Variants in PACS2 observed in about 807,000 individuals in gnomAD.
The protein encoded by PACS2 is phosphofurin acidic cluster sorting protein 2.
PACS2 carries 36 observed loss-of-function variants against 113.0 expected under a neutral mutation model. The observed-to-expected ratio is 0.32, with a 90% CI of 0.24 to 0.42. The LOEUF (loss-of-function observed/expected upper bound fraction) is 0.42, where lower values mean the gene tolerates loss of function less well. Ranked by LOEUF, PACS2 falls within the 10% of genes least tolerant of loss-of-function variation. PACS2 has a pLI of 1.00. For synonymous variants in PACS2, 589 were observed against 536.1 expected (o/e 1.10, Z -1.36); for missense variants, 1,015 against 1,239.5 (o/e 0.82, Z 2.72).
intron 19 of PACS2, among the ~76,000 whole-genome samples, chr14:105,386,129 C>T (rs138263340): frequency 7.1e-4 from 108 of 152,326 alleles, no homozygotes; most frequent in African/African-American, 2.5e-3. Context: ...AAACCAGGAG[C>T]GAGTGGCTGG....
chr14:105,339,168 G>A (rs1555401118), intron 1 of PACS2, among the ~76,000 whole-genome samples: 1 of 152,186 alleles, frequency 6.6e-6, no homozygotes, highest in Non-Finnish European at 1.5e-5. Context: ...TGGAAAGTGG[G>A]GGACGCTATT....
At chr14:105,381,143 C>G in intron 12 of PACS2, 44 bp downstream of exon 12, 1 of 1,520,488 alleles carries the variant, frequency 6.6e-7, no homozygotes, top group Non-Finnish European at 8.9e-7. Context: ...ATGCACCTGT[C>G]GGGGGAGGGG....
chr14:105,362,318 T>C (rs1461415511), intron 4 of PACS2, among the ~76,000 whole-genome samples: 6 of 148,250 alleles, frequency 4.0e-5, no homozygotes, highest in Admixed American at 2.0e-4. Context: ...CTCGGGAGGC[T>C]GAGGCAGGAG....
upstream of PACS2, among the ~76,000 whole-genome samples, chr14:105,310,201 T>A (rs2058311171): frequency 6.6e-6 from 1 of 152,104 alleles, no homozygotes; most frequent in East Asian, 1.9e-4. Context: ...TTTAGTGGTC[T>A]TATGGACTTG....
In PACS2 at chr14:105,330,079, AGGAACG is replaced by A. The variant is rs1304204887; in HGVS notation, c.119+15045_119+15050del. ...AGAAGCCTGGGGTCCATGTGTGGGAAGGAACGGGGACAGGGAGCCTCCGAGAAGCCT... is the reference window on the plus strand; with the variant it reads ...AGAAGCCTGGGGTCCATGTGTGGGAAGGGACAGGGAGCCTCCGAGAAGCCT... On this transcript the variant is annotated intron_variant, in intron 1 of 24. Transcript: ENST00000447393. This position sits in a 1 kb window ranked among gnomAD's most constrained non-coding sequence, Gnocchi z 6.9. 7.1e-6 allele frequency among the ~76,000 whole-genome samples: 1 copy of A among 140,578 alleles called. No individual in the cohort carries two copies. The highest frequency in any genetic ancestry group is 1.6e-5 in the Non-Finnish European group (1 of 64,276). 92.2% of individuals were successfully genotyped at this position (140,578 alleles called of 152,430 possible). A position where few individuals can be genotyped will look rare whatever the true frequency, so the allele number is the denominator to read the frequency against.
intron 1 of PACS2, among the ~76,000 whole-genome samples, chr14:105,342,591 G>T (rs1266918678): frequency 6.6e-6 from 1 of 152,024 alleles, no homozygotes; most frequent in African/African-American, 2.4e-5. Context: ...TTTGCAGTTG[G>T]TTGGTGTGTG....
intron 1 of PACS2, among the ~76,000 whole-genome samples, chr14:105,319,916 A>C (rs1181040041): frequency 6.6e-6 from 1 of 152,166 alleles, no homozygotes; most frequent in Non-Finnish European, 1.5e-5. Flanking sequence ...ACTTTCATTA[A>C]GAGGATTATA....
intron 2 of PACS2, among the ~76,000 whole-genome samples, chr14:105,350,762 G>T (rs940429431): frequency 6.6e-6 from 1 of 152,228 alleles, no homozygotes; most frequent in African/African-American, 2.4e-5. Context: ...GTCCTCTGAG[G>T]GGGGAATGCT....
upstream of PACS2, among the ~76,000 whole-genome samples, chr14:105,311,632 C>T (rs1375833110): frequency 6.6e-6 from 1 of 152,124 alleles, no homozygotes; most frequent in East Asian, 1.9e-4. Flanking sequence ...CTCACCTAAC[C>T]CTGTTCTACT....
rs936159942 is a variant in PACS2, at chr14:105,366,593, A to G, written c.424-620A>G. 6.6e-6 allele frequency among the ~76,000 whole-genome samples: 1 copy of G among 151,158 alleles called. No individual in the cohort carries two copies. The highest frequency in any genetic ancestry group is 1.5e-5 in the Non-Finnish European group (1 of 68,016). Reference sequence around the variant, plus strand: ...CTCCGTGGTTTGAGTGCCTCACAACAGAGGAGCTGGACCTGGCCTGTGAGC... The same window carrying G: ...CTCCGTGGTTTGAGTGCCTCACAACGGAGGAGCTGGACCTGGCCTGTGAGC... On this transcript the variant is annotated intron_variant, in intron 4 of 24. Coordinates refer to ENST00000447393, the MANE Select transcript of PACS2 (RefSeq NM_001100913.3). This position sits in a 1 kb window ranked among gnomAD's most constrained non-coding sequence, Gnocchi z 4.3.
chr14:105,332,936 C>G (rs987700011), intron 1 of PACS2, among the ~76,000 whole-genome samples: 2 of 152,212 alleles, frequency 1.3e-5, no homozygotes, highest in African/African-American at 2.4e-5. Flanking sequence ...ATCGTCCCCC[C>G]ACTTTTTTGT....
At chr14:105,322,537 A>G (rs1004680952) in intron 1 of PACS2, among the ~76,000 whole-genome samples, 8 of 152,210 alleles carry the variant, frequency 5.3e-5, no homozygotes, top group African/African-American at 1.9e-4. Flanking sequence ...AAGTGCTGGG[A>G]TTACAGGCAT....
rs1293172463 is a variant in PACS2 at position 105,366,723 on chromosome 14, G to A, written c.424-490G>A. ...CACTGGTCCCTGGGCATTGGCTCCT[G>A]TGGGTTGGGCAGCCGGCTTCACACA... On this transcript the variant is annotated intron_variant, in intron 4 of 24. Coordinates refer to ENST00000447393, the MANE Select transcript of PACS2 (RefSeq NM_001100913.3). The surrounding 1 kb of genome is among the most constrained non-coding windows in gnomAD (Gnocchi z 4.3). 6.6e-6 allele frequency among the ~76,000 whole-genome samples: 1 copy of A among 152,228 alleles called. No individual in the cohort carries two copies. The highest frequency in any genetic ancestry group is 1.5e-5 in the Non-Finnish European group (1 of 68,034).
chr14:105,308,055 G>A lies in PACS2; in HGVS notation c.-83+7076G>A, dbSNP rs147106300. Among the ~76,000 whole-genome samples the A allele has an allele frequency of 1.7e-3, 260 of 152,044 alleles. 1 individual carries two copies. Among genetic ancestry groups the A allele is most frequent in the African/African-American group, 6.0e-3 (247 of 41,464 alleles). On this transcript the variant is annotated intron_variant, in intron 1 of 23. Coordinates refer to the PACS2 transcript ENST00000430725. ...AAAAATTAGCTGTGCGTGGTGGTGC[G>A]TGCCTCTAGTTCAGCTACTTGGGAG...
In PACS2 at chr14:105,355,269, C is replaced by T; in HGVS notation, c.423+92C>T. The T allele has an allele frequency of 5.7e-6, 8 of 1,402,962 alleles. No homozygotes were observed. The highest frequency in any genetic ancestry group is 7.7e-6 in the Non-Finnish European group (8 of 1,035,368). The allele number at this position is 1,402,962 out of a possible 1,614,324, so 86.9% of individuals were successfully genotyped here. On this transcript the variant is annotated intron_variant, in intron 4 of 24. Coordinates refer to ENST00000447393, the MANE Select transcript of PACS2 (RefSeq NM_001100913.3). The surrounding 1 kb of genome is among the most constrained non-coding windows in gnomAD (Gnocchi z 4.1). ...GGAGATGGAGATGTCTCTCCCGGGT[C>T]CAGATGTCCAGGGATCAGGTGAAAA...
chr14:105,380,862 T>C, intron 11 of PACS2, 95 bp from the exon 12 acceptor site: 1 of 1,300,232 alleles, frequency 7.7e-7, no homozygotes, highest in Non-Finnish European at 1.0e-6. Flanking sequence ...TAGAGAGGCC[T>C]AAACCCTCAC....
chr14:105,302,826 C>A (rs1318252180), intron 1 of PACS2, among the ~76,000 whole-genome samples: 1 of 152,020 alleles, frequency 6.6e-6, no homozygotes, highest in East Asian at 1.9e-4. Flanking sequence ...AGTGAGCCAC[C>A]CGCCTTGTCT....
chr14:105,382,019 C>A lies in PACS2; in HGVS notation c.1374C>A (p.Arg458=). The A allele has an allele frequency of 6.5e-7, 1 of 1,549,878 alleles. No homozygotes were observed. The highest frequency in any genetic ancestry group is 8.7e-7 in the Non-Finnish European group (1 of 1,147,214). ...NERANSLDNE[R]CPDARSQLQV... The stretch of plus-strand genomic sequence containing the variant: ...GGGCCAACAGCCTGGACAACGAGCG[C>A]TGCCCGGACGCCCGGAGCCAGCTAC... The change falls in exon 13 of 25, where the codon CGC becomes CGA. Residue 458 remains arginine (R), a synonymous_variant. Coordinates refer to ENST00000447393, the MANE Select transcript of PACS2 (RefSeq NM_001100913.3).
Position 105,323,149 on chromosome 14 carries a change from G to A in PACS2, c.119+8112G>A, listed in dbSNP as rs1375411811. Among the ~76,000 whole-genome samples, 4 of 152,160 alleles carry A rather than the reference G, an allele frequency of 2.6e-5. No homozygotes were observed. The highest frequency in any genetic ancestry group is 6.5e-5 in the Admixed American group (1 of 15,280). ...GGGTTCTCTTGTGATTGCCTGAGTCGGGGTTACTAGACTTGCTGACTTTGT... is the reference window on the plus strand; with the variant it reads ...GGGTTCTCTTGTGATTGCCTGAGTCAGGGTTACTAGACTTGCTGACTTTGT... On this transcript the variant is annotated intron_variant, in intron 1 of 24. Coordinates refer to ENST00000447393, the MANE Select transcript of PACS2 (RefSeq NM_001100913.3). This position sits in a 1 kb window ranked among gnomAD's most constrained non-coding sequence, Gnocchi z 4.1.
Sources: gnomAD v4.1 joint callset for allele counts (sites outside exome capture counted in the v4.1 genomes callset) on GRCh38, gnomAD v4.1.1 for gene constraint, Gnocchi (gnomAD v3.1) non-coding constraint, MANE v1.5 for transcripts, NCBI Gene and HGNC (gene_info 2026-07-23, HGNC 2026-07-21) for gene names.